TBC1D1: variants seen among roughly 807,000 people sequenced by gnomAD.
TBC1D1 encodes TBC1 (tre-2/USP6, BUB2, cdc16) domain family, member 1.
Under a neutral mutation model 125.6 loss-of-function variants are expected in TBC1D1, and 89 were observed. The observed-to-expected ratio is 0.71, with a 90% confidence interval of 0.60 to 0.85. The LOEUF (loss-of-function observed/expected upper bound fraction) is 0.85. TBC1D1 is among the 40% of genes least tolerant of loss of function. TBC1D1 has a pLI of 0.00. For missense variants in TBC1D1, 1,377 were observed against 1,469.2 expected (o/e 0.94, Z 1.03); for synonymous variants, 565 against 564.1 (o/e 1.00, Z -0.02).
Position 37,995,027 on chromosome 4 carries a change from T to A in TBC1D1, c.418-19482T>A, listed in dbSNP as rs1053478721. Among the ~76,000 whole-genome samples the A allele has an allele frequency of 2.6e-5, 4 of 152,218 alleles. No homozygotes were observed. Among genetic ancestry groups the A allele is most frequent in the African/African-American group, 9.6e-5 (4 of 41,470 alleles). On this transcript the variant is annotated intron_variant, in intron 2 of 19. Coordinates refer to ENST00000261439, the MANE Select transcript of TBC1D1 (RefSeq NM_015173.4). This position sits in a 1 kb window ranked among gnomAD's most constrained non-coding sequence, Gnocchi z 4.3. ...CATTTTTTTGGTTTTGTTTTGTGGG[T>A]ATTTTTTTATTTTTGTATTTTCATC... is the stretch of plus-strand genomic sequence containing the variant.
intron 2 of TBC1D1, among the ~76,000 whole-genome samples, chr4:37,991,560 C>G (rs1736570434): frequency 1.3e-5 from 2 of 152,030 alleles, no homozygotes; most frequent in Admixed American, 1.3e-4. Flanking sequence ...GCATGCAGAC[C>G]TGGTAAGGCT....
intron 2 of TBC1D1, among the ~76,000 whole-genome samples, chr4:37,923,334 T>C (rs1373140907): frequency 2.6e-5 from 4 of 152,218 alleles, no homozygotes; most frequent in Non-Finnish European, 4.4e-5. Context: ...TGTGCCCCAT[T>C]TTCTTTATCC....
At chr4:37,967,651 A>G (rs1578084770) in intron 2 of TBC1D1, among the ~76,000 whole-genome samples, 1 of 152,346 alleles carries the variant, frequency 6.6e-6, no homozygotes, top group East Asian at 1.9e-4. Flanking sequence ...ATTCACTAAT[A>G]GATTTGATCA....
chr4:38,011,279 G>T (rs1269744722), intron 2 of TBC1D1, among the ~76,000 whole-genome samples: 1 of 151,614 alleles, frequency 6.6e-6, no homozygotes, highest in Non-Finnish European at 1.5e-5. Flanking sequence ...CTTGAACCTG[G>T]GGGGCAGAGG....
chr4:37,973,541 C>T (rs769506697), intron 2 of TBC1D1, among the ~76,000 whole-genome samples: 2 of 152,082 alleles, frequency 1.3e-5, no homozygotes, highest in East Asian at 3.9e-4. Flanking sequence ...TCATCCTTTC[C>T]CCAGAATTGC....
intron 8 of TBC1D1, among the ~76,000 whole-genome samples, chr4:38,038,197 G>GT (rs1339231704): frequency 3.3e-5 from 5 of 151,996 alleles, no homozygotes; most frequent in Non-Finnish European, 7.4e-5. Flanking sequence ...ATTATTGTGT[G>GT]TTTTTTTAAG....
At chr4:38,070,360 T>A (rs1231130160) in intron 12 of TBC1D1, among the ~76,000 whole-genome samples, 1 of 152,238 alleles carries the variant, frequency 6.6e-6, no homozygotes, top group Admixed American at 6.5e-5. Context: ...CAACCAAAGA[T>A]GGTCCAGGTG....
intron 2 of TBC1D1, among the ~76,000 whole-genome samples, chr4:38,002,202 C>T (rs1739215188): frequency 1.3e-5 from 2 of 152,086 alleles, no homozygotes; most frequent in Non-Finnish European, 2.9e-5. Context: ...ACCTCAGTCG[C>T]TCTTGGGGGC....
At chr4:38,093,640 T>TGGG (rs1758826055) in intron 13 of TBC1D1, among the ~76,000 whole-genome samples, 6 of 147,302 alleles carry the variant, frequency 4.1e-5, no homozygotes, top group Non-Finnish European at 7.6e-5. Flanking sequence ...TTCTCCTGTC[T>TGGG]TAGCCTCCAG....
chr4:38,022,343 C>T (rs958439635), intron 6 of TBC1D1, among the ~76,000 whole-genome samples: 16 of 152,196 alleles, frequency 1.1e-4, no homozygotes, highest in Admixed American at 9.8e-4. Context: ...TCTATTTAAT[C>T]CTCATCACAT....
intron 2 of TBC1D1, among the ~76,000 whole-genome samples, chr4:37,935,949 C>A (rs1023875482): frequency 1.3e-5 from 2 of 152,168 alleles, no homozygotes; most frequent in African/African-American, 2.4e-5. Context: ...AGCTGGCTAA[C>A]TCTAACTCAC....
intron 2 of TBC1D1, among the ~76,000 whole-genome samples, chr4:37,959,175 G>A (rs1359157602): frequency 1.3e-5 from 2 of 152,250 alleles, no homozygotes; most frequent in Non-Finnish European, 2.9e-5. Flanking sequence ...GGTTAGGGGC[G>A]CCAATCACCT....
intron 15 of TBC1D1, among the ~76,000 whole-genome samples, chr4:38,115,059 A>G (rs1164619701): frequency 6.6e-6 from 1 of 150,672 alleles, no homozygotes; most frequent in African/African-American, 2.4e-5. Flanking sequence ...CCTCTTGAGA[A>G]TAGGGGTTAT....
chr4:37,930,782 G>A (rs1436754845), intron 2 of TBC1D1, among the ~76,000 whole-genome samples: 2 of 152,084 alleles, frequency 1.3e-5, no homozygotes, highest in Non-Finnish European at 2.9e-5. Flanking sequence ...TAAATACTAA[G>A]CATATGTTTG....
At chr4:37,920,983 G>C (rs1352895787) in intron 2 of TBC1D1, among the ~76,000 whole-genome samples, 2 of 151,928 alleles carry the variant, frequency 1.3e-5, no homozygotes, top group African/African-American at 4.8e-5. Context: ...GGTGGCGGGT[G>C]CCTGTAGTCC....
At chr4:38,063,633 AT>A (rs367705962) in intron 12 of TBC1D1, among the ~76,000 whole-genome samples, 3,161 of 149,306 alleles carry the variant, frequency 0.021, 57 homozygotes, top group South Asian at 0.065. Context: ...AATTTTTTTT[AT>A]TTTTTATTTT....
At chr4:37,909,026 G>A (rs889446935) in intron 2 of TBC1D1, among the ~76,000 whole-genome samples, 6 of 152,160 alleles carry the variant, frequency 3.9e-5, no homozygotes, top group African/African-American at 1.4e-4. Flanking sequence ...GAACCGTGTG[G>A]GCTCCCTTAC....
intron 6 of TBC1D1, among the ~76,000 whole-genome samples, chr4:38,024,639 TGTAGAAGAAGTGCATTGTTA>T (rs757252838): frequency 2.1e-4 from 32 of 152,382 alleles, no homozygotes; most frequent in Non-Finnish European, 4.6e-4. Context: ...TTTCTAAAAG[TGTAGAAGAAGTGCATTGTTA>T]GTAGAAGAAG....
intron 2 of TBC1D1, among the ~76,000 whole-genome samples, chr4:38,005,517 C>T (rs1739959214): frequency 1.3e-5 from 2 of 152,166 alleles, no homozygotes; most frequent in South Asian, 4.1e-4. Flanking sequence ...TGCTTGTGAT[C>T]CCCTAGCCTG....
Sources: gnomAD v4.1 joint callset for allele counts (sites outside exome capture counted in the v4.1 genomes callset) on GRCh38, gnomAD v4.1.1 for gene constraint, Gnocchi (gnomAD v3.1) non-coding constraint, MANE v1.5 for transcripts, NCBI Gene and HGNC (gene_info 2026-07-23, HGNC 2026-07-21) for gene names.